CCDC15: variants seen among roughly 807,000 people sequenced by gnomAD.
CCDC15 encodes coiled-coil domain containing 15.
In CCDC15, 105 loss-of-function variants were observed where a neutral mutation model predicts 114.5. The observed-to-expected ratio is 0.92, with a 90% CI of 0.78 to 1.08. The LOEUF (loss-of-function observed/expected upper bound fraction) is 1.08, where lower values mean the gene tolerates loss of function less well. Ranked by LOEUF, CCDC15 falls within the 50% of genes least tolerant of loss-of-function variation. The probability of loss-of-function intolerance (pLI) is 0.00; values close to 1 mark genes in which losing one functional copy is unlikely to be tolerated. For synonymous variants in CCDC15, 334 were observed against 377.8 expected, an observed-to-expected ratio of 0.88 and a Z score of 1.34; for missense variants, 1,105 against 1,093.6, an observed-to-expected ratio of 1.01 and a Z score of -0.15.
intron 13 of CCDC15, among the ~76,000 whole-genome samples, chr11:125,018,199 TATA>T (rs558379301): frequency 2.6e-4 from 40 of 152,232 alleles, no homozygotes; most frequent in South Asian, 1.9e-3. Flanking sequence ...CTTATTTAAG[TATA>T]ATGTTTTTAT....
intron 13 of CCDC15, among the ~76,000 whole-genome samples, chr11:125,020,887 G>C (rs755808791): frequency 6.6e-6 from 1 of 151,462 alleles, no homozygotes; most frequent in Non-Finnish European, 1.5e-5. Context: ...TATGGCAGCT[G>C]TTCTTAACCT....
intron 4 of CCDC15, among the ~76,000 whole-genome samples, chr11:124,962,648 C>CTTTT (rs11286590): frequency 6.8e-6 from 1 of 147,780 alleles, no homozygotes; most frequent in Non-Finnish European, 1.5e-5. Context: ...GAATTCAGTT[C>CTTTT]TTTTTTTTTT....
At chr11:124,962,361 C>T (rs1356296490) in intron 4 of CCDC15, among the ~76,000 whole-genome samples, 1 of 152,172 alleles carries the variant, frequency 6.6e-6, no homozygotes, top group South Asian at 2.1e-4. Flanking sequence ...AAACATTCAT[C>T]TGACATGTTG....
Position 125,010,479 on chromosome 11 carries a change from A to G in CCDC15, c.2411+5267A>G, listed in dbSNP as rs186680587. Among the ~76,000 whole-genome samples the G allele has an allele frequency of 6.2e-3, 942 of 150,770 alleles. 12 individuals carry two copies. The highest frequency in any genetic ancestry group is 0.022 in the African/African-American group (899 of 40,988). On this transcript the variant is annotated intron_variant, in intron 13 of 15. Coordinates refer to ENST00000344762, the MANE Select transcript of CCDC15 (RefSeq NM_025004.3). ...CCAGATTCAAGTGATTCTCGTGCCT[A>G]TCTCCTGAGTAGCTGGGACTACAGG...
At chr11:124,984,169 A>G (rs1948119078) in intron 6 of CCDC15, among the ~76,000 whole-genome samples, 1 of 152,056 alleles carries the variant, frequency 6.6e-6, no homozygotes, top group Admixed American at 6.5e-5. Flanking sequence ...GCCTGCACAC[A>G]CACATGTGAG....
At chr11:125,001,140 A>G (rs541438044) in intron 11 of CCDC15, among the ~76,000 whole-genome samples, 2 of 152,322 alleles carry the variant, frequency 1.3e-5, no homozygotes, top group South Asian at 4.1e-4. Flanking sequence ...AATCACCAAC[A>G]TAGAACACAA....
chr11:125,028,476 C>T (rs1284250819), intron 13 of CCDC15, among the ~76,000 whole-genome samples: 1 of 152,050 alleles, frequency 6.6e-6, no homozygotes, highest in Non-Finnish European at 1.5e-5. Flanking sequence ...AGATCTTTCA[C>T]CCCCTTGGTT....
chr11:124,974,904 A>G (rs1248445711), intron 4 of CCDC15, among the ~76,000 whole-genome samples, 192 bp from the exon 5 acceptor site: 1 of 152,238 alleles, frequency 6.6e-6, no homozygotes, highest in Non-Finnish European at 1.5e-5. Context: ...TACAAAGTAC[A>G]ATCTCTAGAA....
At chr11:125,000,405 C>G (rs911027586) in intron 11 of CCDC15, among the ~76,000 whole-genome samples, 2 of 152,122 alleles carry the variant, frequency 1.3e-5, no homozygotes, top group Non-Finnish European at 2.9e-5. Flanking sequence ...TATGCCAGTT[C>G]ACACACAGAA....
intron 6 of CCDC15, among the ~76,000 whole-genome samples, chr11:124,981,751 C>T (rs1591585617): frequency 6.6e-6 from 1 of 152,188 alleles, no homozygotes; most frequent in East Asian, 1.9e-4. Context: ...ACCTGAGTAG[C>T]TGGGACTACA....
At position 124,977,617 on chromosome 11, in the gene CCDC15, A is replaced by T; in HGVS notation, c.753+17A>T. 1.3e-6 allele frequency: 2 copies of T among 1,599,294 alleles called. No individual in the cohort carries two copies. Among genetic ancestry groups the T allele is most frequent in the Non-Finnish European group, 1.7e-6 (2 of 1,174,246 alleles). ...GAAAATCAGGTAGGGAAATATAAAA[A>T]GTAGAGGGGAAAGACATTGGCTTAT... is the stretch of plus-strand genomic sequence containing the variant. On this transcript the variant is annotated intron_variant, in intron 6 of 15. Coordinates refer to ENST00000344762, the MANE Select transcript of CCDC15 (RefSeq NM_025004.3).
intron 13 of CCDC15, among the ~76,000 whole-genome samples, chr11:125,026,383 GTGCCTTGATTCTCCCTCCA>G (rs1948702639): frequency 6.6e-6 from 1 of 152,182 alleles, no homozygotes. Flanking sequence ...CCTCCCCTAA[GTGCCTTGATTCTCCCTCCA>G]TGCCATGTGG....
At chr11:125,000,925 T>TCA (rs908406035) in intron 11 of CCDC15, among the ~76,000 whole-genome samples, 3 of 152,166 alleles carry the variant, frequency 2.0e-5, no homozygotes, top group African/African-American at 7.2e-5. Context: ...TAACCTTATT[T>TCA]TATATATATT....
intron 13 of CCDC15, among the ~76,000 whole-genome samples, chr11:125,027,200 G>A (rs995115393): frequency 2.0e-5 from 3 of 151,972 alleles, no homozygotes; most frequent in Non-Finnish European, 4.4e-5. Context: ...CTGTAAATAC[G>A]CATGTACCTG....
At chr11:125,004,203 A>G (rs1399223747) in intron 12 of CCDC15, among the ~76,000 whole-genome samples, 5 of 152,068 alleles carry the variant, frequency 3.3e-5, no homozygotes, top group African/African-American at 4.8e-5. Flanking sequence ...CAGCTAATGT[A>G]TATTTGCCAC....
At chr11:124,975,498 G>A (rs1947958340) in intron 5 of CCDC15, among the ~76,000 whole-genome samples, 1 of 152,152 alleles carries the variant, frequency 6.6e-6, no homozygotes, top group African/African-American at 2.4e-5. Context: ...ATATGTATAT[G>A]TATTCAACAA....
At chr11:124,969,988 G>A (rs1344030093) in intron 4 of CCDC15, among the ~76,000 whole-genome samples, 2 of 151,082 alleles carry the variant, frequency 1.3e-5, no homozygotes, top group Non-Finnish European at 2.9e-5. Context: ...TTCCCTATTG[G>A]TCTAAGATCG....
chr11:125,001,537 C>T (rs1013102038), intron 11 of CCDC15, among the ~76,000 whole-genome samples: 14 of 152,178 alleles, frequency 9.2e-5, no homozygotes, highest in Non-Finnish European at 1.0e-4. Context: ...CCCCAAAAGT[C>T]CTGTACCACG....
chr11:125,035,650 TTTC>T lies in CCDC15; in HGVS notation c.2412-2772_2412-2770del, dbSNP rs370638903. 2.7e-3 allele frequency among the ~76,000 whole-genome samples: 408 copies of T among 152,288 alleles called. 4 individuals are homozygous for T. The highest frequency in any genetic ancestry group is 9.0e-3 in the African/African-American group (376 of 41,564). The stretch of plus-strand genomic sequence containing the variant: ...TTTTTCTGGTTGTTTCATGGTCTTC[TTTC>T]TTCTTCTTTCCTGTCTTTTAGTGAA... On this transcript the variant is annotated intron_variant, in intron 13 of 15. Transcript: ENST00000344762.
Sources: gnomAD v4.1 joint callset for allele counts (sites outside exome capture counted in the v4.1 genomes callset) on GRCh38, gnomAD v4.1.1 for gene constraint, MANE v1.5 for transcripts, NCBI Gene and HGNC (gene_info 2026-07-23, HGNC 2026-07-21) for gene names.